ZNF385D: variants seen among roughly 807,000 people sequenced by gnomAD.
ZNF385D encodes the protein zinc finger protein 659.
Under a neutral mutation model 35.8 loss-of-function variants are expected in ZNF385D, and 15 were observed. The observed-to-expected ratio is 0.42, with a 90% confidence interval of 0.28 to 0.64. The LOEUF (loss-of-function observed/expected upper bound fraction) is 0.64. Ranked by LOEUF, ZNF385D falls within the 30% of genes least tolerant of loss-of-function variation. The pLI is 0.23. For missense variants in ZNF385D, 474 were observed against 494.6 expected (o/e 0.96, Z 0.39); for synonymous variants, 212 against 186.8 (o/e 1.13, Z -1.10).
At chr3:21,836,075 C>T (rs1476299284) in intron 3 of ZNF385D, among the ~76,000 whole-genome samples, 1 of 151,998 alleles carries the variant, frequency 6.6e-6, no homozygotes, top group Non-Finnish European at 1.5e-5. Context: ...TACACTGTTA[C>T]AATAACTTCT....
At chr3:22,023,030 T>C (rs1697316132) in intron 3 of ZNF385D, among the ~76,000 whole-genome samples, 2 of 152,172 alleles carry the variant, frequency 1.3e-5, no homozygotes, top group South Asian at 4.1e-4. Flanking sequence ...CTCTGTTCCT[T>C]AAAAATAATG....
At chr3:22,009,416 G>T (rs1330230283) in intron 3 of ZNF385D, among the ~76,000 whole-genome samples, 4 of 152,174 alleles carry the variant, frequency 2.6e-5, no homozygotes, top group Admixed American at 2.6e-4. Context: ...GAGGCGAGGA[G>T]ATCGAGACCA....
rs555267218 is a variant in ZNF385D at position 21,693,183 on chromosome 3, T to C, written c.23-28155A>G. ...ACTATGGAAGCTGAGTTCACATACA[T>C]GTGCAAATTTGGATATATTAACATC... On this transcript the variant is annotated intron_variant, in intron 1 of 7. Coordinates refer to ENST00000281523, the MANE Select transcript of ZNF385D (RefSeq NM_024697.3). 3.9e-5 allele frequency among the ~76,000 whole-genome samples: 6 copies of C among 152,256 alleles called. No homozygotes were observed. In the South Asian group the frequency reaches 8.3e-4, roughly 21 times the overall value.
At position 22,151,167 on chromosome 3, in the gene ZNF385D, G is replaced by C. The variant is rs148857316; in HGVS notation, c.325+17650C>G. Among the ~76,000 whole-genome samples, 60 of 152,236 alleles carry C rather than the reference G, an allele frequency of 3.9e-4. 1 individual carries two copies. The East Asian group carries it at 0.011, about 29-fold the overall frequency. ...TCACACATCATTTCTACTTCTGATA[G>C]TTTCATGGGGCAGGGGCACCCCTGG... On this transcript the variant is annotated intron_variant, in intron 3 of 5. Transcript: ENST00000494108.
chr3:21,805,784 G>T (rs140048978), intron 3 of ZNF385D, among the ~76,000 whole-genome samples: 1 of 152,122 alleles, frequency 6.6e-6, no homozygotes, highest in Non-Finnish European at 1.5e-5. Flanking sequence ...GCAGTGAAAC[G>T]GTCATAATGC....
intron 3 of ZNF385D, among the ~76,000 whole-genome samples, chr3:22,035,110 G>C (rs989378334): frequency 3.9e-5 from 6 of 152,058 alleles, no homozygotes; most frequent in Non-Finnish European, 8.8e-5. Flanking sequence ...TCCTACATTT[G>C]GGTATCAATG....
At chr3:21,422,184 A>G (rs552660532) in intron 7 of ZNF385D, among the ~76,000 whole-genome samples, 100 of 152,276 alleles carry the variant, frequency 6.6e-4, no homozygotes, top group African/African-American at 2.3e-3. Flanking sequence ...TAGCAACACA[A>G]TTTTGACTAC....
intron 2 of ZNF385D, among the ~76,000 whole-genome samples, chr3:22,242,035 T>C (rs908861326): frequency 7.6e-6 from 1 of 132,356 alleles, no homozygotes; most frequent in Non-Finnish European, 1.6e-5. Flanking sequence ...TGAGATCGCA[T>C]GGACACAGGA....
intron 3 of ZNF385D, among the ~76,000 whole-genome samples, chr3:21,769,896 C>T (rs1289295169): frequency 2.6e-5 from 4 of 151,476 alleles, no homozygotes; most frequent in Non-Finnish European, 4.4e-5. Context: ...GAGATATAGA[C>T]CAATGGAACA....
intron 2 of ZNF385D, among the ~76,000 whole-genome samples, chr3:22,177,352 C>T (rs1389004085): frequency 6.6e-6 from 1 of 152,062 alleles, no homozygotes; most frequent in Non-Finnish European, 1.5e-5. Context: ...TTCTGAAGAC[C>T]TGAGTTAGAG....
chr3:22,164,370 A>C (rs1706174736), intron 3 of ZNF385D, among the ~76,000 whole-genome samples: 1 of 151,662 alleles, frequency 6.6e-6, no homozygotes, highest in Non-Finnish European at 1.5e-5. Flanking sequence ...CTGGGACTAC[A>C]GGCATGCGCC....
chr3:21,855,955 ATCTG>A (rs761039613), intron 3 of ZNF385D, among the ~76,000 whole-genome samples: 11 of 152,136 alleles, frequency 7.2e-5, no homozygotes, highest in Non-Finnish European at 1.3e-4. Flanking sequence ...ACTGGATGAA[ATCTG>A]TCTATCAATC....
chr3:22,016,375 T>C (rs1417529075), intron 3 of ZNF385D, among the ~76,000 whole-genome samples: 2 of 152,132 alleles, frequency 1.3e-5, no homozygotes, highest in African/African-American at 4.8e-5. Context: ...TTGACCCAGA[T>C]GCTATACTTA....
At chr3:21,799,381 C>T (rs2072297028) in intron 3 of ZNF385D, among the ~76,000 whole-genome samples, 1 of 152,158 alleles carries the variant, frequency 6.6e-6, no homozygotes, top group Non-Finnish European at 1.5e-5. Flanking sequence ...ATATTCCCAC[C>T]AGCAATGTGT....
intron 1 of ZNF385D, among the ~76,000 whole-genome samples, chr3:21,699,823 CTTTTTTTTTTTT>C (rs1006362754): frequency 1.1e-5 from 1 of 88,878 alleles, no homozygotes; most frequent in Non-Finnish European, 2.1e-5. Flanking sequence ...GTTTCTTTTC[CTTTTTTTTTTTT>C]TTTTTTTTTT....
At chr3:21,968,714 G>A (rs938105903) in intron 3 of ZNF385D, among the ~76,000 whole-genome samples, 1 of 152,184 alleles carries the variant, frequency 6.6e-6, no homozygotes, top group Non-Finnish European at 1.5e-5. Flanking sequence ...AATCAGCAAT[G>A]GTAGCCAGGC....
At chr3:22,123,294 G>C (rs1204384650) in intron 3 of ZNF385D, among the ~76,000 whole-genome samples, 1 of 152,034 alleles carries the variant, frequency 6.6e-6, no homozygotes, top group African/African-American at 2.4e-5. Context: ...TTTTACACAA[G>C]TTATATTTGA....
chr3:21,671,594 C>T (rs939621689), intron 1 of ZNF385D, among the ~76,000 whole-genome samples: 3 of 152,076 alleles, frequency 2.0e-5, no homozygotes, highest in Non-Finnish European at 2.9e-5. Context: ...AACTGAACAA[C>T]TCTAATGATT....
chr3:22,107,780 A>G (rs983071236), intron 3 of ZNF385D, among the ~76,000 whole-genome samples: 1 of 152,008 alleles, frequency 6.6e-6, no homozygotes, highest in African/African-American at 2.4e-5. Flanking sequence ...TTTTACATCC[A>G]TATGTAGTGT....
Sources: allele counts gnomAD v4.1 joint callset (sites outside exome capture counted in the v4.1 genomes callset), GRCh38; gene constraint gnomAD v4.1.1; transcripts MANE v1.5; gene names NCBI Gene and HGNC (gene_info 2026-07-23, HGNC 2026-07-21).